Variants in DLG2 observed in about 807,000 individuals in gnomAD.
The protein encoded by DLG2 is discs large MAGUK scaffold protein 2.
In DLG2, 45 loss-of-function variants were observed where a neutral mutation model predicts 132.5. The ratio of observed to expected loss-of-function variants is 0.34; its 90% CI spans 0.27 to 0.44. The LOEUF (loss-of-function observed/expected upper bound fraction) is 0.44, where lower values mean the gene tolerates loss of function less well. DLG2 is among the 20% of genes least tolerant of loss of function. The probability of loss-of-function intolerance (pLI) is 1.00; values close to 1 mark genes in which losing one functional copy is unlikely to be tolerated. For synonymous variants in DLG2, 424 were observed against 419.6 expected (o/e 1.01, Z -0.13); for missense variants, 1,045 against 1,196.9 (o/e 0.87, Z 1.87).
chr11:84,264,754 T>C (rs972490362), intron 7 of DLG2, among the ~76,000 whole-genome samples: 1 of 152,212 alleles, frequency 6.6e-6, no homozygotes, highest in Non-Finnish European at 1.5e-5. Context: ...TGAATATATT[T>C]GCAATCATCT....
chr11:83,671,493 G>A (rs989883402), intron 18 of DLG2, among the ~76,000 whole-genome samples: 9 of 152,098 alleles, frequency 5.9e-5, no homozygotes, highest in Non-Finnish European at 1.5e-5. Flanking sequence ...GCTCCCTCTG[G>A]TGATAAGATC....
At chr11:84,522,663 T>C (rs1164206921) in intron 7 of DLG2, among the ~76,000 whole-genome samples, 5 of 152,194 alleles carry the variant, frequency 3.3e-5, no homozygotes, top group Non-Finnish European at 7.3e-5. Flanking sequence ...AATTCAACCT[T>C]CTCTACCATG....
chr11:83,844,008 G>C (rs12418645), intron 16 of DLG2, among the ~76,000 whole-genome samples: 17,145 of 152,080 alleles, frequency 0.11, 1,325 homozygotes, highest in Non-Finnish European at 0.16. Context: ...TCAGAAGAAA[G>C]CAAGTACTGA....
intron 7 of DLG2, among the ~76,000 whole-genome samples, chr11:84,495,598 ATGTCACC>A (rs1424260452): frequency 3.3e-5 from 5 of 152,180 alleles, no homozygotes; most frequent in Non-Finnish European, 5.9e-5. Context: ...AGAATAAATG[ATGTCACC>A]TCAGTTATCA....
At chr11:83,943,312 G>T (rs2083084173) in intron 14 of DLG2, among the ~76,000 whole-genome samples, 1 of 152,116 alleles carries the variant, frequency 6.6e-6, no homozygotes, top group East Asian at 1.9e-4. Flanking sequence ...TAACTCCAGG[G>T]GAGGACTGTT....
chr11:84,225,425 G>A (rs1423972589), intron 8 of DLG2, among the ~76,000 whole-genome samples: 2 of 152,168 alleles, frequency 1.3e-5, no homozygotes, highest in East Asian at 1.9e-4. Context: ...CTGTATATCT[G>A]GAGACAGTTG....
At chr11:83,664,296 G>T (rs1353377437) in intron 18 of DLG2, among the ~76,000 whole-genome samples, 1 of 152,192 alleles carries the variant, frequency 6.6e-6, no homozygotes, top group Non-Finnish European at 1.5e-5. Context: ...TTTTTTACTA[G>T]AGAGGTTATG....
chr11:83,783,502 C>T lies in DLG2; in HGVS notation c.1825+3188G>A, dbSNP rs561856900. On this transcript the variant is annotated intron_variant, in intron 18 of 27. Coordinates refer to ENST00000376104, the MANE Select transcript of DLG2 (RefSeq NM_001142699.3). ...ATGTCTTTGAAGCAAAAATGAAAAG[C>T]GCAAGTAGTGAAAATGAAGAATCCC... Among the ~76,000 whole-genome samples, 29 of 152,216 alleles carry T rather than the reference C, an allele frequency of 1.9e-4. 2 individuals carry two copies. The South Asian group carries it at 5.2e-3, about 27-fold the overall frequency.
intron 6 of DLG2, among the ~76,000 whole-genome samples, chr11:84,626,497 A>G (rs2099622715): frequency 6.6e-6 from 1 of 152,228 alleles, no homozygotes; most frequent in Non-Finnish European, 1.5e-5. Flanking sequence ...TGGTGGAGCC[A>G]GTCACTGCCC....
chr11:84,307,548 T>C (rs931207664), intron 7 of DLG2, among the ~76,000 whole-genome samples: 1 of 151,780 alleles, frequency 6.6e-6, no homozygotes, highest in Non-Finnish European at 1.5e-5. Flanking sequence ...TACAAAAAAT[T>C]AGCCGGGCGC....
chr11:84,391,795 T>TAA (rs200512404), intron 7 of DLG2, among the ~76,000 whole-genome samples: 44 of 140,980 alleles, frequency 3.1e-4, no homozygotes, highest in East Asian at 1.0e-3. Flanking sequence ...CTGTTAATGT[T>TAA]AAAAAAAAAA....
At chr11:83,893,476 T>G (rs2070624726) in intron 15 of DLG2, among the ~76,000 whole-genome samples, 1 of 152,216 alleles carries the variant, frequency 6.6e-6, no homozygotes, top group African/African-American at 2.4e-5. Flanking sequence ...TAAGGGCATC[T>G]GCATTCATTG....
intron 6 of DLG2, among the ~76,000 whole-genome samples, chr11:84,701,202 C>G (rs74548668): frequency 6.6e-6 from 1 of 150,614 alleles, no homozygotes; most frequent in Non-Finnish European, 1.5e-5. Context: ...TTTTTTTTTT[C>G]TGTTATCTTA....
intron 3 of DLG2, among the ~76,000 whole-genome samples, chr11:85,483,547 T>C (rs2093348646): frequency 6.6e-6 from 1 of 151,980 alleles, no homozygotes; most frequent in Non-Finnish European, 1.5e-5. Context: ...AGCATAAAAC[T>C]CAATGGTAAA....
chr11:84,236,154 A>G (rs546593841), intron 8 of DLG2, among the ~76,000 whole-genome samples: 1 of 152,324 alleles, frequency 6.6e-6, no homozygotes, highest in South Asian at 2.1e-4. Flanking sequence ...GCCCTTGGCC[A>G]TACCAAAATA....
intron 3 of DLG2, among the ~76,000 whole-genome samples, chr11:85,460,547 T>C (rs2092573637): frequency 6.7e-6 from 1 of 149,286 alleles, no homozygotes; most frequent in African/African-American, 2.6e-5. Context: ...GGTCAAGTTG[T>C]TTCCTTGATG....
intron 14 of DLG2, among the ~76,000 whole-genome samples, chr11:83,945,877 C>T (rs77534748): frequency 0.078 from 11,522 of 148,516 alleles, 608 homozygotes; most frequent in Middle Eastern, 0.12. Context: ...TTGCATTTTG[C>T]TGTTACTTCT....
At chr11:83,553,510 G>GTGTGTGTGTGTA (rs1184965093) in intron 19 of DLG2, among the ~76,000 whole-genome samples, 1 of 149,868 alleles carries the variant, frequency 6.7e-6, no homozygotes, top group African/African-American at 2.5e-5. Context: ...GTGTGTGTGT[G>GTGTGTGTGTGTA]TGTGTGTGTG....
At chr11:85,352,903 A>T (rs1282506797) in intron 3 of DLG2, among the ~76,000 whole-genome samples, 1 of 152,234 alleles carries the variant, frequency 6.6e-6, no homozygotes, top group Non-Finnish European at 1.5e-5. Flanking sequence ...AACCTAGGCA[A>T]TACCATTCAG....
Sources: allele counts gnomAD v4.1 joint callset (sites outside exome capture counted in the v4.1 genomes callset), GRCh38; gene constraint gnomAD v4.1.1; transcripts MANE v1.5; gene names NCBI Gene and HGNC (gene_info 2026-07-23, HGNC 2026-07-21).